AMDHD2: variants seen among roughly 807,000 people sequenced by gnomAD.
The protein encoded by AMDHD2 is N-acetylglucosamine-6-phosphate deacetylase.
Under a neutral mutation model 41.8 loss-of-function variants are expected in AMDHD2, and 24 were observed. That is an observed-to-expected ratio of 0.57 (90% CI 0.42 to 0.81). The LOEUF (loss-of-function observed/expected upper bound fraction) is 0.81, where lower values mean the gene tolerates loss of function less well. Ranked by LOEUF, AMDHD2 falls within the 30% of genes least tolerant of loss-of-function variation. AMDHD2 has a pLI of 0.00. For missense variants in AMDHD2, 540 were observed against 588.5 expected, an observed-to-expected ratio of 0.92 and a Z score of 0.85; for synonymous variants, 332 against 255.5, an observed-to-expected ratio of 1.30 and a Z score of -2.85.
chr16:2,520,836 G>A lies in AMDHD2; in HGVS notation c.151G>A (p.Val51Met). 5 of 1,611,852 alleles carry A rather than the reference G, an allele frequency of 3.1e-6. No homozygotes were observed. Among genetic ancestry groups the A allele is most frequent in the Non-Finnish European group, 3.4e-6 (4 of 1,179,368 alleles). Residue 51 changes from valine (V) to methionine (M), a missense_variant, in exon 2 of 11, where the codon GTG becomes ATG. By Grantham distance (21) the Val-to-Met change is conservative. Transcript: ENST00000293971. The stretch of plus-strand genomic sequence containing the variant: ...GAAGCTGTTCTTTGAGGAGCGGCGC[G>A]TGGCCGACGAGCGGCGGGACTGCGG... ...PEKLFFEERR[V>M]ADERRDCGGR...
At position 2,530,929 on chromosome 16, in the gene AMDHD2, C is replaced by G. The variant is rs368671860; in HGVS notation, c.*1366C>G. ...CACCCCTTAGGAAGTGGCTGTCCAGCGCCTGCCTGTGCTGGGCCTGGGAGA... is the reference window on the plus strand; with the variant it reads ...CACCCCTTAGGAAGTGGCTGTCCAGGGCCTGCCTGTGCTGGGCCTGGGAGA... On this transcript the variant is annotated 3_prime_UTR_variant, in exon 11 of 11. Coordinates refer to ENST00000293971, the MANE Select transcript of AMDHD2 (RefSeq NM_001330449.2). 6.2e-7 allele frequency: 1 copy of G among 1,613,408 alleles called. No homozygotes were observed. Among genetic ancestry groups the G allele is most frequent in the South Asian group, 1.1e-5 (1 of 91,084 alleles).
intron 6 of AMDHD2, 40 bp from the exon 7 acceptor site, chr16:2,528,196 C>T (rs1487187555): frequency 2.5e-6 from 4 of 1,612,140 alleles, no homozygotes; most frequent in South Asian, 1.1e-5. Flanking sequence ...CCAGCAGCCC[C>T]TGCTGTCGCT....
rs1425664608 is a variant in AMDHD2, at chr16:2,520,392, T to G, written c.-67T>G. ...CGCGGTCTCAGCTCTCGGCTGGGGTTCGTCACTGGGCGCGGGATTTGGCCG... is the reference window on the plus strand; with the variant it reads ...CGCGGTCTCAGCTCTCGGCTGGGGTGCGTCACTGGGCGCGGGATTTGGCCG... On this transcript the variant is annotated 5_prime_UTR_variant, in exon 1 of 11. Coordinates refer to ENST00000293971, the MANE Select transcript of AMDHD2 (RefSeq NM_001330449.2). 3.4e-6 allele frequency: 4 copies of G among 1,187,354 alleles called. No homozygotes were observed. The highest frequency in any genetic ancestry group is 4.3e-5 in the Admixed American group (1 of 23,038). 73.6% of individuals were successfully genotyped at this position (1,187,354 alleles called of 1,614,324 possible).
At chr16:2,520,940 G>T in intron 2 of AMDHD2, 35 bp downstream of exon 2, 1 of 1,596,356 alleles carries the variant, frequency 6.3e-7, no homozygotes. Flanking sequence ...ACCCAGGGGA[G>T]GAGCTCTGAG....
chr16:2,523,908 C>T (rs1040126092), intron 3 of AMDHD2, among the ~76,000 whole-genome samples: 6 of 152,276 alleles, frequency 3.9e-5, no homozygotes, highest in Admixed American at 3.3e-4. Flanking sequence ...CCTGTCCCCA[C>T]TGTGCCCCCC....
At chr16:2,525,477 C>G (rs1272946144) in intron 3 of AMDHD2, among the ~76,000 whole-genome samples, 3 of 152,026 alleles carry the variant, frequency 2.0e-5, no homozygotes, top group Non-Finnish European at 4.4e-5. Flanking sequence ...AGCAATTCTC[C>G]TACCTCAGCC....
At chr16:2,522,276 C>A (rs2065950991) in intron 3 of AMDHD2, among the ~76,000 whole-genome samples, 1 of 152,154 alleles carries the variant, frequency 6.6e-6, no homozygotes, top group Admixed American at 6.6e-5. Context: ...TAGAGAAAGT[C>A]TCACTGTGTT....
At chr16:2,521,929 T>C (rs953818286) in intron 3 of AMDHD2, among the ~76,000 whole-genome samples, 15 of 151,948 alleles carry the variant, frequency 9.9e-5, no homozygotes, top group East Asian at 3.9e-4. Flanking sequence ...GGACTACAGG[T>C]GCCCGCCACC....
intron 3 of AMDHD2, among the ~76,000 whole-genome samples, chr16:2,526,160 C>T (rs909735234): frequency 6.6e-6 from 1 of 152,096 alleles, no homozygotes; most frequent in Non-Finnish European, 1.5e-5. Flanking sequence ...TGCCTGCTGA[C>T]CTTGGTGGTG....
chr16:2,527,146 C>T lies in AMDHD2; in HGVS notation c.361-415C>T, dbSNP rs562121854. 8 of 229,524 alleles carry T rather than the reference C, an allele frequency of 3.5e-5. No homozygotes were observed. Among genetic ancestry groups the T allele is most frequent in the South Asian group, 1.3e-4 (2 of 15,720 alleles). 14.2% of individuals were successfully genotyped at this position (229,524 alleles called of 1,614,324 possible). A position where few individuals can be genotyped will look rare whatever the true frequency, so the allele number is the denominator to read the frequency against. On this transcript the variant is annotated intron_variant, in intron 3 of 10. Transcript: ENST00000293971. This position sits in a 1 kb window ranked among gnomAD's most constrained non-coding sequence, Gnocchi z 6.1. ...GTGTCCCCCCGTTCCCTGACACACT[C>T]GGTCTTCCTGATGGCGTCCAGCTCC...
intron 3 of AMDHD2, among the ~76,000 whole-genome samples, chr16:2,523,699 C>T (rs1185963022): frequency 6.6e-6 from 1 of 152,200 alleles, no homozygotes; most frequent in Non-Finnish European, 1.5e-5. Flanking sequence ...CTCTCTGGGG[C>T]TCTGGGGCCT....
rs1218535615 is a variant in AMDHD2, at chr16:2,520,374, T to G, written c.-85T>G. ...AGCTGAAGGTCACGTGGGCGCGGTC[T>G]CAGCTCTCGGCTGGGGTTCGTCACT... On this transcript the variant is annotated 5_prime_UTR_variant, in exon 1 of 11. Coordinates refer to ENST00000293971, the MANE Select transcript of AMDHD2 (RefSeq NM_001330449.2). The G allele has an allele frequency of 9.0e-7, 1 of 1,115,972 alleles. No homozygotes were observed. Among genetic ancestry groups the G allele is most frequent in the East Asian group, 3.4e-5 (1 of 29,816 alleles). The allele number at this position is 1,115,972 out of a possible 1,614,324, so 69.1% of individuals were successfully genotyped here.
intron 1 of AMDHD2, 110 bp downstream of exon 1, chr16:2,520,651 G>T: frequency 8.3e-7 from 1 of 1,210,502 alleles, no homozygotes; most frequent in East Asian, 3.3e-5. Context: ...GCGGGGTGCA[G>T]GGTGCGGGGC....
intron 9 of AMDHD2, 83 bp from the exon 10 acceptor site, chr16:2,528,911 A>G (rs1306246872): frequency 2.0e-6 from 3 of 1,470,148 alleles, no homozygotes; most frequent in East Asian, 2.5e-5. Context: ...AGTCCCTGAG[A>G]CAGGGAGTGC....
At chr16:2,529,371 C>G in intron 10 of AMDHD2, 104 bp from the exon 11 acceptor site, 1 of 1,549,654 alleles carries the variant, frequency 6.5e-7, no homozygotes, top group Non-Finnish European at 8.8e-7. Flanking sequence ...AGTCGTGTCC[C>G]TGGGCCTCAG....
chr16:2,528,328 C>A lies in AMDHD2; in HGVS notation c.810C>A (p.Gly270=). Residue 270 remains glycine (G), a synonymous_variant, in exon 7 of 11, where the codon GGC becomes GGA. Transcript: ENST00000293971. The part of the protein sequence containing the change: ...RCIFYGMIAD[G]THTNPAALRI... ...TCTTCTATGGGATGATTGCAGATGG[C>A]ACGCACACCAACCCCGCCGCCCTGC... The A allele has an allele frequency of 6.2e-7, 1 of 1,612,842 alleles. No individual in the cohort carries two copies. Among genetic ancestry groups the A allele is most frequent in the Non-Finnish European group, 8.5e-7 (1 of 1,179,930 alleles).
rs1366305645 is a variant in AMDHD2 at position 2,520,820 on chromosome 16, C to A, written c.135C>A (p.Phe45Leu). 1.2e-6 allele frequency: 2 copies of A among 1,611,322 alleles called. No individual in the cohort carries two copies. Among genetic ancestry groups the A allele is most frequent in the Admixed American group, 1.7e-5 (1 of 59,922 alleles). The stretch of plus-strand genomic sequence containing the variant: ...GCATCTTGGACCCAGAGAAGCTGTT[C>A]TTTGAGGAGCGGCGCGTGGCCGACG... ...GGRILDPEKL[F>L]FEERRVADER... Residue 45 changes from phenylalanine to leucine, a missense_variant, in exon 2 of 11, where the codon TTC becomes TTA. Physicochemically the swap from Phe to Leu is conservative, Grantham distance 22 (BLOSUM62 0). Coordinates refer to ENST00000293971, the MANE Select transcript of AMDHD2 (RefSeq NM_001330449.2).
In AMDHD2 at chr16:2,530,434, G is replaced by A. The variant is rs1420136400; in HGVS notation, c.*871G>A. On this transcript the variant is annotated 3_prime_UTR_variant, in exon 11 of 11. Transcript: ENST00000293971. Reference sequence around the variant, plus strand: ...AGGCTCCCTGAACAGCTTCGAGGCGGGTGGGCTTCTGGAGCCCTCTTGGCT... The same window carrying A: ...AGGCTCCCTGAACAGCTTCGAGGCGAGTGGGCTTCTGGAGCCCTCTTGGCT... 6 of 1,614,088 alleles carry A rather than the reference G, an allele frequency of 3.7e-6. No homozygotes were observed. Among genetic ancestry groups the A allele is most frequent in the Non-Finnish European group, 5.1e-6 (6 of 1,179,986 alleles).
intron 3 of AMDHD2, among the ~76,000 whole-genome samples, chr16:2,524,661 C>G (rs2065981611): frequency 6.6e-6 from 1 of 152,106 alleles, no homozygotes; most frequent in Non-Finnish European, 1.5e-5. Flanking sequence ...GCCCTTTGCC[C>G]CAACCAGCAT....
Sources: allele counts gnomAD v4.1 joint callset (sites outside exome capture counted in the v4.1 genomes callset), GRCh38; gene constraint gnomAD v4.1.1; non-coding constraint Gnocchi (gnomAD v3.1); transcripts MANE v1.5; gene names NCBI Gene and HGNC (gene_info 2026-07-23, HGNC 2026-07-21).